Variants in YY1AP1 observed in about 807,000 individuals in gnomAD.
YY1AP1 encodes the protein YY1-associated protein 1.
A neutral mutation model predicts 39.9 loss-of-function variants in YY1AP1; 43 were observed. The observed-to-expected ratio is 1.08, with a 90% confidence interval of 0.84 to 1.39. The LOEUF (loss-of-function observed/expected upper bound fraction) is 1.39, where lower values mean the gene tolerates loss of function less well. Ranked by LOEUF, YY1AP1 falls within the 40% of genes most tolerant of loss-of-function variation. YY1AP1 has a pLI of 0.00. For missense variants in YY1AP1, 813 were observed against 900.7 expected (o/e 0.90, Z 1.25); for synonymous variants, 292 against 331.3 (o/e 0.88, Z 1.29).
At chr1:155,673,838 C>A (rs911639054) in intron 6 of YY1AP1, among the ~76,000 whole-genome samples, 2 of 152,088 alleles carry the variant, frequency 1.3e-5, no homozygotes, top group Non-Finnish European at 2.9e-5. Context: ...CAGGCATGAG[C>A]CACCATACCT....
chr1:155,681,315 C>A (rs910735447), intron 2 of YY1AP1, among the ~76,000 whole-genome samples: 1 of 152,140 alleles, frequency 6.6e-6, no homozygotes, highest in Non-Finnish European at 1.5e-5. Context: ...CAGGCATGAG[C>A]CACCATGACC....
Position 155,660,851 on chromosome 1 carries a change from T to TCCTACCTCTCTAGCA in YY1AP1, c.1044_1058dup (p.Ala349_Gly353dup), listed in dbSNP as rs1458728613. 1.2e-6 allele frequency: 2 copies of TCCTACCTCTCTAGCA among 1,614,098 alleles called. No homozygotes were observed. ...TGATCTCAGTGGTTCCAGTCATATT[T>TCCTACCTCTCTAGCA]CCTACCTCTCTAGCACCATCAGCCA... On this transcript the variant is annotated inframe_insertion, in exon 11 of 11. Coordinates refer to ENST00000355499, the MANE Select transcript of YY1AP1 (RefSeq NM_139119.3).
At chr1:155,684,074 C>G (rs1651883127) in intron 2 of YY1AP1, among the ~76,000 whole-genome samples, 1 of 152,136 alleles carries the variant, frequency 6.6e-6, no homozygotes, top group Non-Finnish European at 1.5e-5. Context: ...GTGGGGAAAC[C>G]CTGTCTCAAC....
At chr1:155,682,869 T>C (rs184487652) in intron 2 of YY1AP1, among the ~76,000 whole-genome samples, 196 of 151,868 alleles carry the variant, frequency 1.3e-3, no homozygotes, top group African/African-American at 4.2e-3. Context: ...GAGGATCACC[T>C]GAGGTCAGGA....
chr1:155,681,132 G>A (rs111452564), intron 2 of YY1AP1, among the ~76,000 whole-genome samples: 231 of 151,650 alleles, frequency 1.5e-3, no homozygotes, highest in African/African-American at 5.4e-3. Context: ...CCAGGTTCAA[G>A]CTATTCTCCT....
chr1:155,684,014 G>A (rs1241558395), intron 2 of YY1AP1, among the ~76,000 whole-genome samples: 5 of 152,190 alleles, frequency 3.3e-5, no homozygotes, highest in South Asian at 2.1e-4. Context: ...TTGGAAGGCC[G>A]AGACGGCTGG....
At chr1:155,678,176 C>T (rs1419017759) in intron 4 of YY1AP1, among the ~76,000 whole-genome samples, 2 of 152,164 alleles carry the variant, frequency 1.3e-5, no homozygotes, top group East Asian at 1.9e-4. Flanking sequence ...GTATTCAGTA[C>T]AGTACAGTAA....
At chr1:155,661,175 G>A in intron 10 of YY1AP1, 132 bp downstream of exon 10, 3 of 1,599,474 alleles carry the variant, frequency 1.9e-6, no homozygotes, top group African/African-American at 1.3e-5. Context: ...AGGGAAGAAA[G>A]GTGAATCAGG....
chr1:155,688,885 G>A, upstream of YY1AP1: 2 of 1,611,442 alleles, frequency 1.2e-6, no homozygotes, highest in Non-Finnish European at 1.7e-6. Context: ...CTTGCCGTTT[G>A]ACTGGAATTG....
At chr1:155,661,774 G>T (rs112333414) in intron 9 of YY1AP1, among the ~76,000 whole-genome samples, 1 of 152,164 alleles carries the variant, frequency 6.6e-6, no homozygotes, top group Non-Finnish European at 1.5e-5. Context: ...TCCTGCCTCA[G>T]CCTCCGGAGT....
At chr1:155,684,248 C>CA (rs921028579) in intron 2 of YY1AP1, among the ~76,000 whole-genome samples, 1 of 151,758 alleles carries the variant, frequency 6.6e-6, no homozygotes, top group African/African-American at 2.4e-5. Flanking sequence ...AACTCTCTCT[C>CA]AAAAACAAAA....
intron 4 of YY1AP1, 113 bp from the exon 5 acceptor site, chr1:155,676,859 C>T: frequency 9.5e-7 from 1 of 1,053,072 alleles, no homozygotes; most frequent in Non-Finnish European, 1.4e-6. Context: ...TACTAATCCC[C>T]CCTTTTCACT....
rs575447406 is a variant in YY1AP1 at position 155,671,739 on chromosome 1, T to C, written c.583+821A>G. On this transcript the variant is annotated intron_variant, in intron 7 of 10. Coordinates refer to ENST00000355499, the MANE Select transcript of YY1AP1 (RefSeq NM_139119.3). ...GAAGAAAAACACAGGACACTAGATG[T>C]GTAAGATAATACTATAATTTGGTAT... Among the ~76,000 whole-genome samples, 8 of 152,312 alleles carry C rather than the reference T, an allele frequency of 5.3e-5. No individual in the cohort carries two copies. In the East Asian group the frequency reaches 1.5e-3, roughly 29 times the overall value.
chr1:155,687,915 C>T (rs1341547955), intron 2 of YY1AP1, 156 bp downstream of exon 2: 1 of 851,378 alleles, frequency 1.2e-6, no homozygotes, highest in East Asian at 2.8e-5. Flanking sequence ...TCCCGGTAGG[C>T]TCAGGATCCC....
rs550293647 is a variant in YY1AP1, at chr1:155,686,553, G to T, written c.-21+1518C>A. Among the ~76,000 whole-genome samples, 284 of 150,474 alleles carry T rather than the reference G, an allele frequency of 1.9e-3. 3 individuals are homozygous for T. Among genetic ancestry groups the T allele is most frequent in the African/African-American group, 6.8e-3 (271 of 39,830 alleles). On this transcript the variant is annotated intron_variant, in intron 2 of 10. Transcript: ENST00000355499. ...AGGCTATTTACAGAGACACCTTGAT[G>T]ATCCTCACCTCAAGGCATGGACCAT...
Position 155,680,429 on chromosome 1 carries a change from T to TC in YY1AP1, c.7dup (p.Asp3GlyfsTer4). 6.2e-7 allele frequency: 1 copy of TC among 1,613,644 alleles called. No homozygotes were observed. Among genetic ancestry groups the TC allele is most frequent in the Non-Finnish European group, 8.5e-7 (1 of 1,179,692 alleles). ...ATCATTACTCACAGTTTCAAACAGA[T>TC]CTTCCATCAGCTCATTTGCTTCCTT... On this transcript the variant is annotated frameshift_variant, in exon 3 of 11. Coordinates refer to ENST00000355499, the MANE Select transcript of YY1AP1 (RefSeq NM_139119.3). LOFTEE classifies it high-confidence loss of function.
At chr1:155,674,160 C>CAAAAAAA (rs59337809) in intron 6 of YY1AP1, among the ~76,000 whole-genome samples, 1 of 73,628 alleles carries the variant, frequency 1.4e-5, no homozygotes, top group Non-Finnish European at 2.8e-5. Context: ...GACTCCGTCT[C>CAAAAAAA]AAAAAAAAAA....
chr1:155,670,210 C>T (rs1320164352), intron 8 of YY1AP1, 110 bp downstream of exon 8: 7 of 1,477,528 alleles, frequency 4.7e-6, no homozygotes, highest in Non-Finnish European at 6.6e-6. Context: ...ATCTATACTG[C>T]TTTTCCTTTT....
At position 155,660,648 on chromosome 1, in the gene YY1AP1, G is replaced by A. The variant is rs751337248; in HGVS notation, c.1262C>T (p.Pro421Leu). ...AGGGTTGAAGCTGGGCTGGAGAGAG[G>A]GGCTGGGTTGGATAAGGAGGGGTTT... ...VLKPLLIQPS[P>L]SLQPSFNPGK... Residue 421 changes from proline to leucine, a missense_variant, in exon 11 of 11, where the codon CCC (proline) becomes CTC (leucine). By Grantham distance (98) the Pro-to-Leu change is moderately conservative. This residue lies in a region of YY1AP1 where 586 missense variants were observed against 647.4 expected (regional missense o/e 0.91). Coordinates refer to ENST00000355499, the MANE Select transcript of YY1AP1 (RefSeq NM_139119.3). The A allele has an allele frequency of 1.0e-4, 169 of 1,614,054 alleles. 1 individual carries two copies. In the Admixed American group the frequency reaches 1.3e-3, roughly 13 times the overall value.
Sources: allele counts gnomAD v4.1 joint callset (sites outside exome capture counted in the v4.1 genomes callset), GRCh38; gene constraint gnomAD v4.1.1; regional missense constraint gnomAD v4.1.1; transcripts MANE v1.5; gene names NCBI Gene and HGNC (gene_info 2026-07-23, HGNC 2026-07-21).